Variants in MAN1B1 observed in about 807,000 individuals in gnomAD.
MAN1B1 encodes the protein mannosidase alpha class 1B member 1.
Under a neutral mutation model 75.5 loss-of-function variants are expected in MAN1B1, and 66 were observed. That is an observed-to-expected ratio of 0.87 (90% CI 0.72 to 1.07). The LOEUF is 1.07. Among genes scored for constraint, MAN1B1 ranks in the 50% least tolerant of loss-of-function variants. MAN1B1 has a pLI of 0.00. For missense variants in MAN1B1, 973 were observed against 912.5 expected (o/e 1.07, Z -0.85); for synonymous variants, 453 against 382.8 (o/e 1.18, Z -2.14).
intron 7 of MAN1B1, 129 bp downstream of exon 7, chr9:137,101,282 G>A: frequency 7.6e-7 from 1 of 1,323,946 alleles, no homozygotes; most frequent in Admixed American, 1.8e-5. Context: ...CTGTTTCTGA[G>A]CTCATATTCG....
intron 3 of MAN1B1, among the ~76,000 whole-genome samples, chr9:137,093,583 C>T (rs980698035): frequency 6.6e-6 from 1 of 152,172 alleles, no homozygotes; most frequent in East Asian, 1.9e-4. Context: ...GTAATCCCAA[C>T]ACTTTGGGAG....
At chr9:137,107,174 CA>C in intron 10 of MAN1B1, 75 bp from the exon 11 acceptor site, 1 of 1,504,086 alleles carries the variant, frequency 6.6e-7, no homozygotes, top group Non-Finnish European at 9.1e-7. Flanking sequence ...GCTGGGCTCC[CA>C]CGTTGGCTGC....
At chr9:137,088,582 G>A (rs546690282) in intron 2 of MAN1B1, 88 of 774,036 alleles carry the variant, frequency 1.1e-4, no homozygotes, top group Non-Finnish European at 1.6e-4. Context: ...TCTCTTTGGA[G>A]CAAAGCTAAA....
intron 2 of MAN1B1, chr9:137,088,509 A>G: frequency 8.1e-7 from 1 of 1,228,326 alleles, no homozygotes; most frequent in Admixed American, 1.8e-5. Context: ...GTGTGTTTGG[A>G]AAAGACCAGG....
intron 8 of MAN1B1, chr9:137,104,074 C>G (rs1001067035): frequency 1.1e-5 from 5 of 456,544 alleles, no homozygotes; most frequent in Non-Finnish European, 1.8e-5. Flanking sequence ...GCTATCACTT[C>G]CATCTCCAGA....
chr9:137,089,082 A>T, intron 3 of MAN1B1, 77 bp downstream of exon 3: 1 of 1,563,144 alleles, frequency 6.4e-7, no homozygotes. Flanking sequence ...GATTGAGAAG[A>T]ATTATTTTCC....
intron 4 of MAN1B1, 112 bp from the exon 5 acceptor site, chr9:137,097,716 G>T (rs1481609510): frequency 3.7e-6 from 3 of 820,060 alleles, no homozygotes; most frequent in African/African-American, 1.7e-5. Flanking sequence ...AGGATGATGG[G>T]GCCGCTTTGG....
In MAN1B1 at chr9:137,107,142, A is replaced by T. The variant is rs541161796; in HGVS notation, c.1567-108A>T. ...GTGCCCTCGCGTGGCCTCCCCTCCC[A>T]GGGTACCAGGGCCGAGGCAGCGCTG... is the stretch of plus-strand genomic sequence containing the variant. On this transcript the variant is annotated intron_variant, in intron 10 of 12. Coordinates refer to ENST00000371589, the MANE Select transcript of MAN1B1 (RefSeq NM_016219.5). 45 of 1,243,978 alleles carry T rather than the reference A, an allele frequency of 3.6e-5. No homozygotes were observed. The Admixed American group carries it at 8.4e-4, about 23-fold the overall frequency. 77.1% of individuals were successfully genotyped at this position (1,243,978 alleles called of 1,614,324 possible). A position where few individuals can be genotyped will look rare whatever the true frequency, so the allele number is the denominator to read the frequency against.
chr9:137,097,437 G>A (rs76697636), intron 4 of MAN1B1, among the ~76,000 whole-genome samples: 6,416 of 152,308 alleles, frequency 0.042, 257 homozygotes, highest in African/African-American at 0.1. Flanking sequence ...CTCGTGTGTA[G>A]GGACAGCCCC....
At chr9:137,106,658 G>C in intron 9 of MAN1B1, 31 bp from the exon 10 acceptor site, 1 of 1,612,942 alleles carries the variant, frequency 6.2e-7, no homozygotes, top group South Asian at 1.1e-5. Flanking sequence ...GCACCGTCCT[G>C]GTAGAGTGAG....
Position 137,108,453 on chromosome 9 carries a change from C to T in MAN1B1, c.1962C>T (p.Asp654=). The T allele has an allele frequency of 1.2e-6, 2 of 1,613,972 alleles. No homozygotes were observed. The highest frequency in any genetic ancestry group is 1.7e-6 in the Non-Finnish European group (2 of 1,180,022). ...VQDPQKPEPR[D]KMESFFLGET... is the part of the protein sequence containing the mutation. Reference sequence around the variant, plus strand: ...ATCCTCAGAAGCCCGAGCCTAGGGACAAGATGGAGAGCTTCTTCCTGGGGG... The same window carrying T: ...ATCCTCAGAAGCCCGAGCCTAGGGATAAGATGGAGAGCTTCTTCCTGGGGG... The change falls in exon 13 of 13, where the codon GAC becomes GAT. Residue 654 remains aspartate, a synonymous_variant. Transcript: ENST00000371589.
chr9:137,094,109 G>A (rs1487951475), intron 3 of MAN1B1, among the ~76,000 whole-genome samples: 1 of 151,212 alleles, frequency 6.6e-6, no homozygotes, highest in Non-Finnish European at 1.5e-5. Context: ...CCACGTCTCG[G>A]GTTCAAGTGA....
chr9:137,087,018 A>C lies in MAN1B1; in HGVS notation c.19A>C (p.Arg7=). 1 of 1,600,314 alleles carries C rather than the reference A, an allele frequency of 6.2e-7. No individual in the cohort carries two copies. Among genetic ancestry groups the C allele is most frequent in the Non-Finnish European group, 8.5e-7 (1 of 1,175,362 alleles). MAACEG[R]RSGALGSSQS... ...CGCTGCGATGGCTGCCTGCGAGGGC[A>C]GGAGAAGCGGAGCTCTCGGTTCCTC... is the stretch of plus-strand genomic sequence containing the variant. Residue 7 remains arginine (R), a synonymous_variant, in exon 1 of 13, where the codon AGG becomes CGG. Coordinates refer to ENST00000371589, the MANE Select transcript of MAN1B1 (RefSeq NM_016219.5).
chr9:137,104,721 C>T (rs989140593), intron 8 of MAN1B1: 2 of 158,508 alleles, frequency 1.3e-5, no homozygotes, highest in African/African-American at 4.8e-5. Flanking sequence ...GGTGCACACG[C>T]CTGCCTGAGG....
At chr9:137,088,622 C>T (rs532185060) in intron 2 of MAN1B1, 8 of 682,914 alleles carry the variant, frequency 1.2e-5, no homozygotes, top group Admixed American at 2.7e-5. Context: ...ACATGCTGAA[C>T]GTCCCTGAAT....
At position 137,090,446 on chromosome 9, in the gene MAN1B1, G is replaced by C. The variant is rs189182593; in HGVS notation, c.465+1441G>C. ...TCCTGGGCTGGGGAGCTGGAGGCAGGCTGCTGCCCACTGGCTAAGGATCTC... is the reference window on the plus strand; with the variant it reads ...TCCTGGGCTGGGGAGCTGGAGGCAGCCTGCTGCCCACTGGCTAAGGATCTC... On this transcript the variant is annotated intron_variant, in intron 3 of 12. Transcript: ENST00000371589. Among the ~76,000 whole-genome samples, 24 of 152,294 alleles carry C rather than the reference G, an allele frequency of 1.6e-4. No homozygotes were observed. In the East Asian group the frequency reaches 4.6e-3, roughly 29 times the overall value.
At position 137,107,381 on chromosome 9, in the gene MAN1B1, G is replaced by T. The variant is rs753169251; in HGVS notation, c.1698G>T (p.Gly566=). 3.1e-6 allele frequency: 5 copies of T among 1,613,446 alleles called. No homozygotes were observed. Among genetic ancestry groups the T allele is most frequent in the South Asian group, 1.1e-5 (1 of 91,090 alleles). ...AGATGAACCGGCAGATGGAGACGGG[G>T]CTGAGTCCCGAGATCGTGCACTTCA... ...CYQMNRQMET[G]LSPEIVHFNL... Residue 566 remains glycine (G), a synonymous_variant, in exon 11 of 13, where the codon GGG becomes GGT. Transcript: ENST00000371589.
In MAN1B1 at chr9:137,102,363, ACGCTGTTG is replaced by A; in HGVS notation, c.1254+693_1254+700del. The A allele has an allele frequency of 1.9e-5, 8 of 424,518 alleles. No individual in the cohort carries two copies. In the Admixed American group the frequency reaches 2.1e-4, roughly 11 times the overall value. 26.3% of individuals were successfully genotyped at this position (424,518 alleles called of 1,614,324 possible). The stretch of plus-strand genomic sequence containing the variant: ...CGTGCAGGTCGGTGGTGTTACATTC[ACGCTGTTG>A]CAGACGTGCAGGTCAGTGCTGTTAC... On this transcript the variant is annotated intron_variant, in intron 8 of 12. Transcript: ENST00000371589.
rs764085712 is a variant in MAN1B1, at chr9:137,107,658, C to A, written c.1892C>A (p.Thr631Lys). The change falls in exon 12 of 13, where the codon ACA becomes AAA. Residue 631 changes from threonine (T) to lysine (K), a missense_variant. Coordinates refer to ENST00000371589, the MANE Select transcript of MAN1B1 (RefSeq NM_016219.5). ...WEILQSFSRFTRVPSGGYSSI... is the reference protein window; with the variant it reads ...WEILQSFSRFKRVPSGGYSSI... Reference sequence around the variant, plus strand: ...ATTCTGCAGAGCTTCAGCCGATTCACACGGGTGAGCACCTGTCCTCGCCCC... The same window carrying A: ...ATTCTGCAGAGCTTCAGCCGATTCAAACGGGTGAGCACCTGTCCTCGCCCC... 4.3e-6 allele frequency: 7 copies of A among 1,609,606 alleles called. No individual in the cohort carries two copies. Among genetic ancestry groups the A allele is most frequent in the Non-Finnish European group, 5.1e-6 (6 of 1,179,940 alleles).
Sources: gnomAD v4.1 joint callset for allele counts (sites outside exome capture counted in the v4.1 genomes callset) on GRCh38, gnomAD v4.1.1 for gene constraint, MANE v1.5 for transcripts, NCBI Gene and HGNC (gene_info 2026-07-23, HGNC 2026-07-21) for gene names.